The following SPECC1 variants were observed in gnomAD, a reference collection of about 807,000 sequenced individuals.
The protein encoded by SPECC1 is sperm antigen with calponin homology and coiled-coil domains 1, also known as cytospin-B.
SPECC1 carries 62 observed loss-of-function variants against 104.1 expected under a neutral mutation model. The ratio of observed to expected loss-of-function variants is 0.60; its 90% CI spans 0.49 to 0.74. The LOEUF is 0.74. SPECC1 is among the 30% of genes least tolerant of loss of function. SPECC1 has a pLI of 0.00. For synonymous variants in SPECC1, 513 were observed against 501.6 expected (o/e 1.02, Z -0.30); for missense variants, 1,306 against 1,310.5 (o/e 1.00, Z 0.05).
intron 3 of SPECC1, among the ~76,000 whole-genome samples, chr17:20,141,322 G>A (rs1485021646): frequency 6.6e-6 from 1 of 152,050 alleles, no homozygotes; most frequent in Non-Finnish European, 1.5e-5. Flanking sequence ...GGACCTGCTC[G>A]CTGCTCATTC....
Position 20,009,582 on chromosome 17 carries a change from G to A in SPECC1, c.-22+158G>A, listed in dbSNP as rs1033016039. Among the ~76,000 whole-genome samples, 2 of 152,146 alleles carry A rather than the reference G, an allele frequency of 1.3e-5. No individual in the cohort carries two copies. The highest frequency in any genetic ancestry group is 2.9e-5 in the Non-Finnish European group (2 of 67,984). On this transcript the variant is annotated intron_variant, in intron 1 of 14. Transcript: ENST00000395527. The surrounding 1 kb of genome is among the most constrained non-coding windows in gnomAD (Gnocchi z 5.2). ...GAAGGCGTGCTGCGTCTTCGCCGCG[G>A]GGGCCCCGGTCCCCTCGTCGCGTGT...
chr17:20,183,042 T>G (rs1396539768), intron 3 of SPECC1, among the ~76,000 whole-genome samples: 2 of 152,196 alleles, frequency 1.3e-5, no homozygotes, highest in African/African-American at 4.8e-5. Flanking sequence ...TTAGTACGCT[T>G]GTAAACAAAT....
intron 1 of SPECC1, among the ~76,000 whole-genome samples, chr17:20,032,437 TTC>T (rs2044854471): frequency 6.6e-6 from 1 of 152,102 alleles, no homozygotes; most frequent in African/African-American, 2.4e-5. Flanking sequence ...TTTGCTGAGA[TTC>T]TGTTTATTTT....
intron 3 of SPECC1, among the ~76,000 whole-genome samples, chr17:20,177,740 TTCTC>T (rs1306436107): frequency 6.6e-6 from 1 of 152,180 alleles, no homozygotes; most frequent in Non-Finnish European, 1.5e-5. Context: ...GACAGAGTCT[TTCTC>T]TGTCGCCCAG....
intron 1 of SPECC1, among the ~76,000 whole-genome samples, chr17:20,020,775 G>A (rs117039041): frequency 0.016 from 2,498 of 152,126 alleles, 23 homozygotes; most frequent in Admixed American, 0.026. Context: ...TGTTCATTCC[G>A]TTTTATCCCA....
chr17:20,184,181 CAAA>C (rs759475722), intron 3 of SPECC1, among the ~76,000 whole-genome samples: 1 of 44,210 alleles, frequency 2.3e-5, no homozygotes, highest in Non-Finnish European at 5.0e-5. Context: ...ACTCCTGTCT[CAAA>C]AAAAAAAAAA....
rs1193694146 is a variant in SPECC1, at chr17:20,244,151, C to G, written c.2352-1775C>G. ...GGCTGAGGCATTAGAATCGCTTGAA[C>G]CTGGGAGGTAGAGGTTGCAGTGAGC... is the stretch of plus-strand genomic sequence containing the variant. On this transcript the variant is annotated intron_variant, in intron 7 of 14. Transcript: ENST00000395527. 3.3e-5 allele frequency among the ~76,000 whole-genome samples: 5 copies of G among 152,212 alleles called. No homozygotes were observed. The East Asian group carries it at 9.6e-4, about 29-fold the overall frequency.
chr17:20,100,689 G>A (rs1395568388), intron 2 of SPECC1, among the ~76,000 whole-genome samples: 1 of 152,096 alleles, frequency 6.6e-6, no homozygotes, highest in East Asian at 1.9e-4. Flanking sequence ...GGATACATGT[G>A]CAGAACATGC....
intron 3 of SPECC1, among the ~76,000 whole-genome samples, chr17:20,134,914 CT>C (rs1276840709): frequency 6.6e-6 from 1 of 152,198 alleles, no homozygotes; most frequent in Non-Finnish European, 1.5e-5. Context: ...GAAAGTTCTG[CT>C]TTTCTGGTTC....
intron 1 of SPECC1, among the ~76,000 whole-genome samples, chr17:20,080,786 A>T (rs1414799750): frequency 2.0e-5 from 3 of 152,102 alleles, no homozygotes; most frequent in African/African-American, 7.2e-5. Flanking sequence ...AAGGCGGTAC[A>T]GCAGCTTTTT....
chr17:20,235,857 G>A (rs1393504294), intron 7 of SPECC1, among the ~76,000 whole-genome samples: 1 of 141,418 alleles, frequency 7.1e-6, no homozygotes, highest in African/African-American at 2.5e-5. Flanking sequence ...TATACCACAA[G>A]TTCTTGCATT....
At chr17:20,040,817 T>C (rs2045293991) in intron 1 of SPECC1, among the ~76,000 whole-genome samples, 1 of 152,206 alleles carries the variant, frequency 6.6e-6, no homozygotes, top group South Asian at 2.1e-4. Context: ...GGCTTTTTAT[T>C]TGGGGTTCAG....
intron 1 of SPECC1, among the ~76,000 whole-genome samples, chr17:20,024,500 C>G (rs1202737605): frequency 2.0e-5 from 3 of 152,162 alleles, no homozygotes; most frequent in African/African-American, 7.2e-5. Flanking sequence ...AGATAGTACT[C>G]AGGGTTTTTT....
In SPECC1 at chr17:20,107,122, C is replaced by T. The variant is rs572302759; in HGVS notation, c.148-3305C>T. On this transcript the variant is annotated intron_variant, in intron 2 of 14. Transcript: ENST00000395527. Reference sequence around the variant, plus strand: ...TCGCATCACGGCACTCCAGCCTGGGCGACAGAGTGAGACTCGTGTCTCAAA... The same window carrying T: ...TCGCATCACGGCACTCCAGCCTGGGTGACAGAGTGAGACTCGTGTCTCAAA... Among the ~76,000 whole-genome samples, 17 of 118,530 alleles carry T rather than the reference C, an allele frequency of 1.4e-4. No individual in the cohort carries two copies. In the East Asian group the frequency reaches 1.5e-3, roughly 11 times the overall value. 77.8% of individuals were successfully genotyped at this position (118,530 alleles called of 152,430 possible). A position where few individuals can be genotyped will look rare whatever the true frequency, so the allele number is the denominator to read the frequency against.
intron 3 of SPECC1, among the ~76,000 whole-genome samples, chr17:20,157,325 A>G (rs1265853182): frequency 6.6e-6 from 1 of 152,090 alleles, no homozygotes; most frequent in African/African-American, 2.4e-5. Flanking sequence ...CGGGCTGTCC[A>G]AGTTTCTTCA....
chr17:20,315,945 A>C lies in SPECC1; in HGVS notation c.*1880A>C, dbSNP rs1044019371. The C allele has an allele frequency of 1.7e-5, 4 of 232,452 alleles. No homozygotes were observed. Among genetic ancestry groups the C allele is most frequent in the African/African-American group, 8.8e-5 (4 of 45,300 alleles). 14.4% of individuals were successfully genotyped at this position (232,452 alleles called of 1,614,324 possible). A position where few individuals can be genotyped will look rare whatever the true frequency, so the allele number is the denominator to read the frequency against. On this transcript the variant is annotated 3_prime_UTR_variant, in exon 15 of 15. Transcript: ENST00000395527. ...CAGAGATGCAGTTCACATGTTTTGT[A>C]AGTTCTTTAGGCGACTGAAGCACAG...
intron 2 of SPECC1, among the ~76,000 whole-genome samples, chr17:20,109,810 T>C (rs2048393396): frequency 6.6e-6 from 1 of 152,318 alleles, no homozygotes; most frequent in South Asian, 2.1e-4. Context: ...TCTTTTTTCA[T>C]TGGTTCCCAT....
intron 12 of SPECC1, among the ~76,000 whole-genome samples, chr17:20,264,241 T>C (rs2040133615): frequency 6.6e-6 from 1 of 152,078 alleles, no homozygotes; most frequent in African/African-American, 2.4e-5. Context: ...TATATTTTTA[T>C]TTCAGCTTTA....
At chr17:20,251,978 AGATGGTGGGT>A (rs1567985081) in intron 9 of SPECC1, among the ~76,000 whole-genome samples, 1 of 152,188 alleles carries the variant, frequency 6.6e-6, no homozygotes, top group African/African-American at 2.4e-5. Context: ...GAAGCTGCCA[AGATGGTGGGT>A]GATGGTGGGT....
Sources: gnomAD v4.1 joint callset for allele counts (sites outside exome capture counted in the v4.1 genomes callset) on GRCh38, gnomAD v4.1.1 for gene constraint, Gnocchi (gnomAD v3.1) non-coding constraint, MANE v1.5 for transcripts, NCBI Gene and HGNC (gene_info 2026-07-23, HGNC 2026-07-21) for gene names.